Variants in C12orf54 observed in about 807,000 individuals in gnomAD.
C12orf54 encodes the protein uncharacterized protein C12orf54.
In C12orf54, 24 loss-of-function variants were observed where a neutral mutation model predicts 26.4. That is an observed-to-expected ratio of 0.91 (90% CI 0.66 to 1.28). The LOEUF is 1.28. C12orf54 is among the 50% of genes most tolerant of loss of function. The pLI is 0.00. For synonymous variants in C12orf54, 54 were observed against 47.0 expected (o/e 1.15, Z -0.61); for missense variants, 154 against 150.9 (o/e 1.02, Z -0.11).
rs534300374 is a variant in C12orf54, at chr12:48,486,992, C to T, written c.135+266C>T. Among the ~76,000 whole-genome samples, 25 of 152,224 alleles carry T rather than the reference C, an allele frequency of 1.6e-4. 1 individual carries two copies. The East Asian group carries it at 4.1e-3, about 25-fold the overall frequency. ...CTGTTTGTTTTAAGGGTGTTTAATC[C>T]CCAATTCTCAGTGATTGCTACAGAC... On this transcript the variant is annotated intron_variant, in intron 4 of 8. Coordinates refer to ENST00000548364, the MANE Select transcript of C12orf54 (RefSeq NM_152319.4).
intron 2 of C12orf54, among the ~76,000 whole-genome samples, chr12:48,484,136 G>C (rs146347012): frequency 6.6e-6 from 1 of 152,100 alleles, no homozygotes; most frequent in Non-Finnish European, 1.5e-5. Flanking sequence ...CGGAGGTTGC[G>C]GTGAGCCGGG....
At chr12:48,474,497 G>A in the C12orf54 span, among the ~76,000 whole-genome samples, 1 of 152,188 alleles carries the variant, frequency 6.6e-6, no homozygotes, top group South Asian at 2.1e-4. Context: ...CCTAGTCCAA[G>A]AAAGGGGTGA....
the C12orf54 span, among the ~76,000 whole-genome samples, chr12:48,475,733 A>G: frequency 1.3e-5 from 2 of 152,210 alleles, no homozygotes; most frequent in Admixed American, 6.5e-5. Flanking sequence ...CCTCCAAGAA[A>G]TATGGGACTA....
the C12orf54 span, among the ~76,000 whole-genome samples, chr12:48,454,988 C>T: frequency 2.0e-5 from 3 of 152,122 alleles, no homozygotes; most frequent in Non-Finnish European, 4.4e-5. Flanking sequence ...CAGAGGGTAC[C>T]TGTGCAGGTT....
At chr12:48,450,130 T>G in the C12orf54 span, among the ~76,000 whole-genome samples, 1 of 152,170 alleles carries the variant, frequency 6.6e-6, no homozygotes. Flanking sequence ...ATTGCATTAA[T>G]GCTGTAAATC....
At chr12:48,471,803 T>G in the C12orf54 span, among the ~76,000 whole-genome samples, 1 of 152,222 alleles carries the variant, frequency 6.6e-6, no homozygotes, top group Non-Finnish European at 1.5e-5. Flanking sequence ...TTCTTTTTAC[T>G]TGGGGCTACT....
chr12:48,493,106 C>T, intron 7 of C12orf54, 111 bp downstream of exon 7: 1 of 1,001,682 alleles, frequency 1.0e-6, no homozygotes, highest in Non-Finnish European at 1.6e-6. Context: ...GAAGCCTGTG[C>T]TTCCAAAGGG....
chr12:48,439,056 C>G, the C12orf54 span, among the ~76,000 whole-genome samples: 1 of 152,008 alleles, frequency 6.6e-6, no homozygotes. Flanking sequence ...AACAAATTTA[C>G]AAGAAAAAAA....
chr12:48,490,402 C>T (rs184399700), intron 5 of C12orf54, among the ~76,000 whole-genome samples: 129 of 152,218 alleles, frequency 8.5e-4, no homozygotes, highest in African/African-American at 3.0e-3. Flanking sequence ...GGGTGGTAAT[C>T]CCAGCACTTT....
chr12:48,477,332 A>G, the C12orf54 span, among the ~76,000 whole-genome samples: 2 of 152,244 alleles, frequency 1.3e-5, no homozygotes, highest in South Asian at 4.1e-4. Context: ...TCACAATTAA[A>G]AGAACTAGAA....
chr12:48,428,308 A>G, the C12orf54 span, among the ~76,000 whole-genome samples: 1 of 151,934 alleles, frequency 6.6e-6, no homozygotes, highest in Non-Finnish European at 1.5e-5. Flanking sequence ...AAGAAAGGAA[A>G]TAACCAAGAT....
At chr12:48,495,802 A>C (rs1299186958) in intron 8 of C12orf54, among the ~76,000 whole-genome samples, 3 of 152,252 alleles carry the variant, frequency 2.0e-5, no homozygotes, top group Non-Finnish European at 4.4e-5. Context: ...CCCACAAATC[A>C]TCAAAATACA....
chr12:48,418,826 G>A, the C12orf54 span, among the ~76,000 whole-genome samples: 2 of 151,392 alleles, frequency 1.3e-5, no homozygotes, highest in Non-Finnish European at 2.9e-5. Flanking sequence ...ATTTTAATAT[G>A]TTACAGTTTT....
the C12orf54 span, among the ~76,000 whole-genome samples, chr12:48,418,734 G>A: frequency 2.0e-5 from 3 of 152,212 alleles, no homozygotes; most frequent in Admixed American, 1.3e-4. Flanking sequence ...AATTCAGTTG[G>A]TGTTATTTTA....
At chr12:48,418,824 A>G in the C12orf54 span, among the ~76,000 whole-genome samples, 1 of 151,986 alleles carries the variant, frequency 6.6e-6, no homozygotes, top group Non-Finnish European at 1.5e-5. Context: ...AAATTTTAAT[A>G]TGTTACAGTT....
chr12:48,473,373 C>T, the C12orf54 span: 17 of 1,045,570 alleles, frequency 1.6e-5, no homozygotes, highest in Middle Eastern at 4.2e-4. Context: ...GGGTCAGAAG[C>T]GAAAATAAGA....
At chr12:48,479,602 T>TC (rs1486030396), upstream of C12orf54, among the ~76,000 whole-genome samples, 2 of 148,772 alleles carry the variant, frequency 1.3e-5, no homozygotes, top group African/African-American at 5.2e-5. Flanking sequence ...GGTTTTGTTT[T>TC]GTTTTTTTTT....
the C12orf54 span, among the ~76,000 whole-genome samples, chr12:48,422,976 A>G: frequency 2.6e-5 from 4 of 152,176 alleles, no homozygotes; most frequent in Admixed American, 2.6e-4. Flanking sequence ...ATATAAAATA[A>G]TAAAGCCAGA....
chr12:48,425,421 G>A, the C12orf54 span, among the ~76,000 whole-genome samples: 8 of 152,068 alleles, frequency 5.3e-5, no homozygotes, highest in Non-Finnish European at 1.2e-4. Flanking sequence ...TCCTTTTTAT[G>A]ATTGCATGGC....
Sources: allele counts gnomAD v4.1 joint callset (sites outside exome capture counted in the v4.1 genomes callset), GRCh38; gene constraint gnomAD v4.1.1; transcripts MANE v1.5; gene names NCBI Gene and HGNC (gene_info 2026-07-23, HGNC 2026-07-21).